Variants in SNX18 observed in about 807,000 individuals in gnomAD.
The protein encoded by SNX18 is sorting nexin 18, also known as sorting nexin-18.
Under a neutral mutation model 48.7 loss-of-function variants are expected in SNX18, and 35 were observed. That is an observed-to-expected ratio of 0.72 (90% CI 0.55 to 0.95). The LOEUF (loss-of-function observed/expected upper bound fraction) is 0.95, where lower values mean the gene tolerates loss of function less well. Ranked by LOEUF, SNX18 falls within the 40% of genes least tolerant of loss-of-function variation. SNX18 has a pLI of 0.00. For synonymous variants in SNX18, 492 were observed against 384.7 expected, an observed-to-expected ratio of 1.28 and a Z score of -3.26; for missense variants, 824 against 871.0, an observed-to-expected ratio of 0.95 and a Z score of 0.68.
chr5:54,555,180 A>G, the SNX18 span, among the ~76,000 whole-genome samples: 1 of 152,212 alleles, frequency 6.6e-6, no homozygotes, highest in African/African-American at 2.4e-5. Flanking sequence ...TGCTACTGGC[A>G]GCTGTCCCTG....
the SNX18 span, among the ~76,000 whole-genome samples, chr5:54,640,542 C>T: frequency 5.3e-5 from 8 of 152,276 alleles, no homozygotes; most frequent in South Asian, 2.1e-4. Flanking sequence ...TCTCATCTTA[C>T]GCTCTGGCCT....
At chr5:54,580,432 TA>T in the SNX18 span, among the ~76,000 whole-genome samples, 9 of 152,324 alleles carry the variant, frequency 5.9e-5, no homozygotes, top group East Asian at 1.2e-3. Context: ...TTTAAAATTT[TA>T]TGGTTCACTT....
the SNX18 span, among the ~76,000 whole-genome samples, chr5:54,558,487 C>A: frequency 6.6e-6 from 1 of 152,088 alleles, no homozygotes; most frequent in Admixed American, 6.5e-5. Context: ...TTAAATTAGC[C>A]CCTGACCATA....
At chr5:54,627,048 C>T in the SNX18 span, among the ~76,000 whole-genome samples, 3 of 152,156 alleles carry the variant, frequency 2.0e-5, no homozygotes, top group Non-Finnish European at 4.4e-5. Context: ...TTCATTCATG[C>T]TGTCTGTTGT....
downstream of SNX18, among the ~76,000 whole-genome samples, chr5:54,549,084 C>T (rs753929119): frequency 6.6e-6 from 1 of 152,090 alleles, no homozygotes; most frequent in Non-Finnish European, 1.5e-5. Flanking sequence ...TATTTTCAAT[C>T]GTCCATTGGT....
chr5:54,566,470 T>A, the SNX18 span, among the ~76,000 whole-genome samples: 1 of 152,230 alleles, frequency 6.6e-6, no homozygotes. Flanking sequence ...GGACAAAGTA[T>A]ATGCAGCTGG....
the SNX18 span, chr5:54,644,728 GATGGCTAGAGTA>G: frequency 6.6e-6 from 1 of 152,262 alleles, no homozygotes; most frequent in Non-Finnish European, 1.5e-5. Flanking sequence ...ATATAGGTGT[GATGGCTAGAGTA>G]GCAGCTGCTA....
chr5:54,536,199 C>T (rs1282730091), intron 1 of SNX18, among the ~76,000 whole-genome samples: 1 of 152,086 alleles, frequency 6.6e-6, no homozygotes, highest in Non-Finnish European at 1.5e-5. Flanking sequence ...GATTGCCTCA[C>T]TTTAAATAAT....
chr5:54,517,790 C>G lies in SNX18; in HGVS notation c.-163C>G, dbSNP rs1026109491. 11 of 593,402 alleles carry G rather than the reference C, an allele frequency of 1.9e-5. No individual in the cohort carries two copies. Among genetic ancestry groups the G allele is most frequent in the African/African-American group, 1.2e-4 (6 of 51,364 alleles). The allele number at this position is 593,402 out of a possible 1,614,324, so 36.8% of individuals were successfully genotyped here. On this transcript the variant is annotated 5_prime_UTR_variant, in exon 1 of 2. Coordinates refer to ENST00000381410, the MANE Select transcript of SNX18 (RefSeq NM_001102575.2). Reference sequence around the variant, plus strand: ...CGCTGCGAAGTGGAGGCGCTGCGAGCGGAGCCGCGCGGAGGGCGCGACCGG... The same window carrying G: ...CGCTGCGAAGTGGAGGCGCTGCGAGGGGAGCCGCGCGGAGGGCGCGACCGG...
chr5:54,559,673 G>A, the SNX18 span, among the ~76,000 whole-genome samples: 6 of 152,214 alleles, frequency 3.9e-5, no homozygotes, highest in African/African-American at 1.4e-4. Flanking sequence ...TTTCATGACA[G>A]ACACCAAAAG....
At chr5:54,523,623 G>GT (rs1762073150) in intron 1 of SNX18, among the ~76,000 whole-genome samples, 2 of 152,190 alleles carry the variant, frequency 1.3e-5, no homozygotes, top group Admixed American at 1.3e-4. Context: ...CCTGTTTTCT[G>GT]TACTCTTAAA....
chr5:54,580,016 C>T, the SNX18 span, among the ~76,000 whole-genome samples: 3 of 151,876 alleles, frequency 2.0e-5, no homozygotes, highest in Non-Finnish European at 4.4e-5. Flanking sequence ...AGTACTGACA[C>T]ATTTAATATG....
At chr5:54,578,712 T>C in the SNX18 span, among the ~76,000 whole-genome samples, 2 of 152,216 alleles carry the variant, frequency 1.3e-5, no homozygotes. Flanking sequence ...GTTGTCTGCA[T>C]GAGGCCAGCT....
At chr5:54,565,316 A>G in the SNX18 span, among the ~76,000 whole-genome samples, 6 of 152,012 alleles carry the variant, frequency 3.9e-5, no homozygotes, top group Non-Finnish European at 8.8e-5. Context: ...AATCAAGCCT[A>G]TAATCCCAGC....
chr5:54,531,492 TACAGCAAG>T, intron 1 of SNX18, among the ~76,000 whole-genome samples: 1 of 152,348 alleles, frequency 6.6e-6, no homozygotes, highest in Non-Finnish European at 1.5e-5. Flanking sequence ...ACGTGTTGTC[TACAGCAAG>T]ACATTTTTAA....
At chr5:54,623,342 T>C in the SNX18 span, among the ~76,000 whole-genome samples, 1 of 152,182 alleles carries the variant, frequency 6.6e-6, no homozygotes, top group East Asian at 1.9e-4. Context: ...GATGAACTAG[T>C]AAAACTCAAA....
At chr5:54,588,044 T>G in the SNX18 span, among the ~76,000 whole-genome samples, 1 of 152,120 alleles carries the variant, frequency 6.6e-6, no homozygotes. Flanking sequence ...GAAGCCAATC[T>G]TCTAGGGAAT....
intron 1 of SNX18, chr5:54,519,907 G>A (rs992913622): frequency 1.5e-6 from 2 of 1,313,330 alleles, no homozygotes; most frequent in Non-Finnish European, 2.1e-6. Flanking sequence ...ATTAGAAGGG[G>A]ACCTAAACCA....
At chr5:54,638,485 A>C in the SNX18 span, among the ~76,000 whole-genome samples, 7 of 152,234 alleles carry the variant, frequency 4.6e-5, no homozygotes, top group East Asian at 1.4e-3. Context: ...GCTGAATAAT[A>C]GCAGATTACA....
Sources: gnomAD v4.1 joint callset for allele counts (sites outside exome capture counted in the v4.1 genomes callset) on GRCh38, gnomAD v4.1.1 for gene constraint, MANE v1.5 for transcripts, NCBI Gene and HGNC (gene_info 2026-07-23, HGNC 2026-07-21) for gene names.